The following FGF12 variants were observed in gnomAD, a reference collection of about 807,000 sequenced individuals.
FGF12 encodes the protein fibroblast growth factor 12.
FGF12 carries 14 observed loss-of-function variants against 23.6 expected under a neutral mutation model. That is an observed-to-expected ratio of 0.59 (90% confidence interval 0.39 to 0.93). The LOEUF is 0.93. Ranked by LOEUF, FGF12 falls within the 40% of genes least tolerant of loss-of-function variation. The pLI is 0.00. For synonymous variants in FGF12, 62 were observed against 77.3 expected, an observed-to-expected ratio of 0.80 and a Z score of 1.04; for missense variants, 175 against 217.8, an observed-to-expected ratio of 0.80 and a Z score of 1.24.
rs536981932 is a variant in FGF12, at chr3:192,577,113, G to A, written c.13+150068C>T. Among the ~76,000 whole-genome samples, 130 of 152,202 alleles carry A rather than the reference G, an allele frequency of 8.5e-4. 1 individual carries two copies. The highest frequency in any genetic ancestry group is 2.9e-3 in the African/African-American group (122 of 41,528). On this transcript the variant is annotated intron_variant, in intron 2 of 5. Coordinates refer to ENST00000445105, the MANE Select transcript of FGF12 (RefSeq NM_004113.6). ...GAGAAATACCTAATGTAGATGATGG[G>A]TTAATGGGTGCAGCAAACCACAATG...
At chr3:192,598,416 G>A (rs1713957509) in intron 2 of FGF12, among the ~76,000 whole-genome samples, 1 of 152,126 alleles carries the variant, frequency 6.6e-6, no homozygotes, top group Non-Finnish European at 1.5e-5. Context: ...TTCTGGGTGT[G>A]TATTAGTGCT....
At chr3:192,609,303 G>A (rs369421152) in intron 2 of FGF12, among the ~76,000 whole-genome samples, 3 of 151,992 alleles carry the variant, frequency 2.0e-5, no homozygotes, top group South Asian at 4.2e-4. Flanking sequence ...AATCATAAAC[G>A]GGGGGTGAAG....
At chr3:192,506,492 T>A (rs1724302988) in intron 2 of FGF12, among the ~76,000 whole-genome samples, 1 of 152,186 alleles carries the variant, frequency 6.6e-6, no homozygotes, top group Non-Finnish European at 1.5e-5. Flanking sequence ...TGCCTCAGCC[T>A]CCAGAGTAGC....
At chr3:192,461,256 C>T (rs893569500) in intron 2 of FGF12, among the ~76,000 whole-genome samples, 10 of 152,124 alleles carry the variant, frequency 6.6e-5, no homozygotes, top group African/African-American at 1.7e-4. Flanking sequence ...GATCCACATG[C>T]ACACCTCCAG....
chr3:192,162,591 A>G (rs1714944803), intron 5 of FGF12, among the ~76,000 whole-genome samples: 2 of 152,110 alleles, frequency 1.3e-5, no homozygotes, highest in South Asian at 4.1e-4. Flanking sequence ...AAAGAGTTGC[A>G]GCTATTATCC....
chr3:192,633,867 C>A (rs562518910), intron 2 of FGF12, among the ~76,000 whole-genome samples: 1 of 152,130 alleles, frequency 6.6e-6, no homozygotes, highest in African/African-American at 2.4e-5. Context: ...ACCCTTCATG[C>A]GCCTTTATGT....
intron 2 of FGF12, among the ~76,000 whole-genome samples, chr3:192,675,158 T>C (rs1717280903): frequency 6.6e-6 from 1 of 152,142 alleles, no homozygotes; most frequent in Admixed American, 6.5e-5. Flanking sequence ...CTAAAGCCTG[T>C]AGATGGCCTG....
chr3:192,408,436 A>T lies in FGF12; in HGVS notation c.14-47898T>A, dbSNP rs748728340. The T allele has an allele frequency of 1.7e-5, 24 of 1,391,848 alleles. No homozygotes were observed. Among genetic ancestry groups the T allele is most frequent in the Non-Finnish European group, 2.1e-5 (23 of 1,078,832 alleles). 86.2% of individuals were successfully genotyped at this position (1,391,848 alleles called of 1,614,324 possible). A position where few individuals can be genotyped will look rare whatever the true frequency, so the allele number is the denominator to read the frequency against. ...ACAAAATGTGTGAAAATCCAGATGT[A>T]AACTTCCCCAACCTCTGGCGGCCGG... On this transcript the variant is annotated intron_variant, in intron 2 of 5. Coordinates refer to ENST00000445105, the MANE Select transcript of FGF12 (RefSeq NM_004113.6). This position sits in a 1 kb window ranked among gnomAD's most constrained non-coding sequence, Gnocchi z 7.3.
intron 2 of FGF12, among the ~76,000 whole-genome samples, chr3:192,563,488 G>A (rs1271856636): frequency 6.6e-6 from 1 of 152,158 alleles, no homozygotes; most frequent in Non-Finnish European, 1.5e-5. Flanking sequence ...ACTGAGGAGA[G>A]CCAGAGTAGT....
intron 2 of FGF12, among the ~76,000 whole-genome samples, chr3:192,384,807 A>G (rs949955179): frequency 1.3e-5 from 2 of 152,156 alleles, no homozygotes; most frequent in African/African-American, 2.4e-5. Flanking sequence ...CAAGAATTGT[A>G]CAGGCACCAT....
intron 4 of FGF12, among the ~76,000 whole-genome samples, chr3:192,296,151 C>A (rs964624844): frequency 6.1e-5 from 9 of 148,610 alleles, no homozygotes; most frequent in Middle Eastern, 3.6e-3. Context: ...ACCAATCTAC[C>A]TGACTCGGCC....
At chr3:192,604,261 C>G (rs1714243568) in intron 2 of FGF12, among the ~76,000 whole-genome samples, 1 of 152,128 alleles carries the variant, frequency 6.6e-6, no homozygotes. Flanking sequence ...GTTTTACAAT[C>G]AATTTGTACA....
chr3:192,642,677 T>C (rs1268411956), intron 2 of FGF12, among the ~76,000 whole-genome samples: 2 of 152,180 alleles, frequency 1.3e-5, no homozygotes, highest in Admixed American at 6.5e-5. Context: ...AAGAATTGCC[T>C]CTCTCTCAGG....
intron 2 of FGF12, among the ~76,000 whole-genome samples, chr3:192,581,485 T>C (rs907389338): frequency 1.5e-3 from 97 of 66,500 alleles, no homozygotes; most frequent in African/African-American, 6.0e-3. Flanking sequence ...TGTGTGTGTG[T>C]GTATATATAT....
At chr3:192,175,961 C>G (rs1715834382) in intron 4 of FGF12, among the ~76,000 whole-genome samples, 1 of 152,182 alleles carries the variant, frequency 6.6e-6, no homozygotes, top group South Asian at 2.1e-4. Flanking sequence ...TACCACTGCC[C>G]AGGAAAAGTC....
chr3:192,531,689 G>C lies in FGF12; in HGVS notation c.14-171151C>G, dbSNP rs113958973. On this transcript the variant is annotated intron_variant, in intron 2 of 5. Transcript: ENST00000445105. ...ACTTAAAGTTATTAACAACATTTTG[G>C]GTTGTTATATTTTGAAAGGAAGTTA... Among the ~76,000 whole-genome samples, 530 of 152,150 alleles carry C rather than the reference G, an allele frequency of 3.5e-3. 2 individuals are homozygous for C. The highest frequency in any genetic ancestry group is 0.012 in the African/African-American group (500 of 41,502).
At chr3:192,658,598 T>C (rs191527369) in intron 2 of FGF12, among the ~76,000 whole-genome samples, 6 of 152,142 alleles carry the variant, frequency 3.9e-5, no homozygotes, top group Non-Finnish European at 8.8e-5. Flanking sequence ...TATTTTGAAA[T>C]AATAGGTTAG....
chr3:192,406,752 C>T (rs118054072), intron 2 of FGF12, among the ~76,000 whole-genome samples: 1 of 152,114 alleles, frequency 6.6e-6, no homozygotes, highest in Non-Finnish European at 1.5e-5. Flanking sequence ...GAAACAGGGT[C>T]GCTTCTTCAC....
intron 4 of FGF12, among the ~76,000 whole-genome samples, chr3:192,322,499 C>G (rs557399600): frequency 7.5e-6 from 1 of 132,586 alleles, no homozygotes; most frequent in South Asian, 2.3e-4. Context: ...TTAAACCACA[C>G]GCAGACACAC....
Sources: allele counts gnomAD v4.1 joint callset (sites outside exome capture counted in the v4.1 genomes callset), GRCh38; gene constraint gnomAD v4.1.1; non-coding constraint Gnocchi (gnomAD v3.1); transcripts MANE v1.5; gene names NCBI Gene and HGNC (gene_info 2026-07-23, HGNC 2026-07-21).